The following RCOR1 variants were observed in gnomAD, a reference collection of about 807,000 sequenced individuals.
RCOR1 encodes the protein REST corepressor.
A neutral mutation model predicts 64.0 loss-of-function variants in RCOR1; 12 were observed. That is an observed-to-expected ratio of 0.19 (90% CI 0.12 to 0.30). The LOEUF (loss-of-function observed/expected upper bound fraction) is 0.30. RCOR1 is among the 10% of genes least tolerant of loss of function. RCOR1 has a pLI of 1.00. For missense variants in RCOR1, 502 were observed against 621.2 expected (o/e 0.81, Z 2.04); for synonymous variants, 279 against 227.2 (o/e 1.23, Z -2.05).
chr14:102,711,321 G>A (rs1372227462), intron 7 of RCOR1, among the ~76,000 whole-genome samples: 1 of 152,222 alleles, frequency 6.6e-6, no homozygotes, highest in African/African-American at 2.4e-5. Context: ...GTGGTCTAGT[G>A]AATTCCAGGC....
Position 102,598,882 on chromosome 14 carries a change from AAG to A in RCOR1, c.361+5560_361+5561del, listed in dbSNP as rs1414737220. 2.1e-4 allele frequency among the ~76,000 whole-genome samples: 32 copies of A among 152,126 alleles called. 2 individuals are homozygous for A. Among genetic ancestry groups the A allele is most frequent in the Admixed American group, 1.2e-3 (18 of 15,264 alleles). On this transcript the variant is annotated intron_variant, in intron 2 of 11. Coordinates refer to ENST00000262241, the MANE Select transcript of RCOR1 (RefSeq NM_015156.4). ...CAACTTTTAAAGAGTTAAAAAAAAA[AAG>A]AGTTAAAAACCTAAGTGCAGCCCTA... is the stretch of plus-strand genomic sequence containing the variant.
intron 3 of RCOR1, among the ~76,000 whole-genome samples, chr14:102,695,123 C>G (rs1895618082): frequency 6.6e-6 from 1 of 152,122 alleles, no homozygotes; most frequent in African/African-American, 2.4e-5. Context: ...ATCTGCATTT[C>G]TCCCTTCTTT....
At chr14:102,657,427 C>A (rs941374341) in intron 2 of RCOR1, 1 of 984,988 alleles carries the variant, frequency 1.0e-6, no homozygotes, top group East Asian at 1.1e-4. Context: ...GTTTTTGTTG[C>A]TTAAGTTAAG....
chr14:102,679,606 G>A (rs1274362480), intron 2 of RCOR1, among the ~76,000 whole-genome samples: 1 of 151,976 alleles, frequency 6.6e-6, no homozygotes, highest in Non-Finnish European at 1.5e-5. Flanking sequence ...AGTCTCCCGA[G>A]TAGCTGGGAC....
intron 2 of RCOR1, chr14:102,655,926 C>G (rs879856720): frequency 2.4e-5 from 23 of 956,034 alleles, no homozygotes; most frequent in South Asian, 4.9e-5. Flanking sequence ...GCACTCCAGC[C>G]TGGGCAACAG....
At chr14:102,604,007 T>C (rs960243080) in intron 2 of RCOR1, among the ~76,000 whole-genome samples, 2 of 152,206 alleles carry the variant, frequency 1.3e-5, no homozygotes, top group African/African-American at 4.8e-5. Context: ...TTGAGTTTAT[T>C]TGACTAGGAA....
intron 2 of RCOR1, among the ~76,000 whole-genome samples, chr14:102,650,289 A>G (rs754979595): frequency 6.7e-6 from 1 of 149,768 alleles, no homozygotes; most frequent in Non-Finnish European, 1.5e-5. Flanking sequence ...TGGGAGAATC[A>G]CTTGAGGTCA....
chr14:102,727,677 G>A lies in RCOR1; in HGVS notation c.*1171G>A, dbSNP rs1047434929. ...ACTCTCTTTTCATATCAGAGTACAG[G>A]ACAGAGAAGTGATCAATGTATTGGT... On this transcript the variant is annotated 3_prime_UTR_variant, in exon 12 of 12. Coordinates refer to ENST00000262241, the MANE Select transcript of RCOR1 (RefSeq NM_015156.4). The A allele has an allele frequency of 6.6e-6, 1 of 152,148 alleles. No homozygotes were observed. The highest frequency in any genetic ancestry group is 1.5e-5 in the Non-Finnish European group (1 of 68,028). 9.4% of individuals were successfully genotyped at this position (152,148 alleles called of 1,614,324 possible).
chr14:102,611,018 G>A (rs1372638612), intron 2 of RCOR1, among the ~76,000 whole-genome samples: 2 of 152,094 alleles, frequency 1.3e-5, no homozygotes, highest in Non-Finnish European at 2.9e-5. Context: ...TTCAAAATAA[G>A]GTTATTTGAA....
chr14:102,730,537 T>A lies in RCOR1; in HGVS notation c.*4031T>A, dbSNP rs924511675. On this transcript the variant is annotated 3_prime_UTR_variant, in exon 12 of 12. Transcript: ENST00000262241. The stretch of plus-strand genomic sequence containing the variant: ...AATATTTGCTGAGGTTAAATAAAAA[T>A]TTTCAAGCCATTGATGTAATAAAAT... 6 of 152,688 alleles carry A rather than the reference T, an allele frequency of 3.9e-5. No homozygotes were observed. Among genetic ancestry groups the A allele is most frequent in the Admixed American group, 3.9e-4 (6 of 15,276 alleles). The allele number at this position is 152,688 out of a possible 1,614,324, so 9.5% of individuals were successfully genotyped here.
chr14:102,676,507 A>ACCCCC (rs200702020), intron 2 of RCOR1, among the ~76,000 whole-genome samples: 1 of 6,550 alleles, frequency 1.5e-4, no homozygotes, highest in Non-Finnish European at 2.6e-4. Flanking sequence ...CGGCTGGCCG[A>ACCCCC]CCCCCCCCCA....
chr14:102,651,538 G>A (rs1306032089), intron 2 of RCOR1, among the ~76,000 whole-genome samples: 1 of 150,608 alleles, frequency 6.6e-6, no homozygotes, highest in African/African-American at 2.5e-5. Context: ...GGGCAACAGA[G>A]TGAGACTCCA....
intron 2 of RCOR1, among the ~76,000 whole-genome samples, chr14:102,603,852 A>G (rs1057038155): frequency 1.3e-5 from 2 of 151,836 alleles, no homozygotes; most frequent in African/African-American, 2.4e-5. Context: ...CTGTTTTTCT[A>G]TAGGGTGTTG....
chr14:102,673,285 C>G (rs1198982082), intron 2 of RCOR1, among the ~76,000 whole-genome samples: 2 of 149,088 alleles, frequency 1.3e-5, no homozygotes, highest in Non-Finnish European at 3.0e-5. Context: ...ATTTTGTTTT[C>G]TATATTTAAT....
At chr14:102,611,414 CTG>C (rs1210946908) in intron 2 of RCOR1, among the ~76,000 whole-genome samples, 1 of 152,140 alleles carries the variant, frequency 6.6e-6, no homozygotes, top group African/African-American at 2.4e-5. Flanking sequence ...ATTCTATCAT[CTG>C]TGTCATTTCT....
chr14:102,678,360 C>T (rs958635955), intron 2 of RCOR1, among the ~76,000 whole-genome samples: 12 of 152,016 alleles, frequency 7.9e-5, no homozygotes, highest in African/African-American at 2.7e-4. Flanking sequence ...AGTGCAGTGG[C>T]GCGATCTTGG....
intron 2 of RCOR1, among the ~76,000 whole-genome samples, chr14:102,668,156 A>G (rs991644152): frequency 1.3e-5 from 2 of 152,198 alleles, no homozygotes; most frequent in Admixed American, 1.3e-4. Context: ...GTGGCTGTTT[A>G]ATTCCTCTAC....
intron 3 of RCOR1, among the ~76,000 whole-genome samples, chr14:102,698,736 TCTC>T (rs1280137533): frequency 6.6e-6 from 1 of 152,144 alleles, no homozygotes; most frequent in African/African-American, 2.4e-5. Context: ...TTGCATCTCA[TCTC>T]CTCCAGTATG....
At chr14:102,707,640 T>C (rs1895881852) in intron 5 of RCOR1, 128 bp downstream of exon 5, 2 of 809,262 alleles carry the variant, frequency 2.5e-6, no homozygotes, top group Non-Finnish European at 1.9e-6. Context: ...CCCCTTTAGA[T>C]TCAGCTTAGT....
Sources: gnomAD v4.1 joint callset for allele counts (sites outside exome capture counted in the v4.1 genomes callset) on GRCh38, gnomAD v4.1.1 for gene constraint, MANE v1.5 for transcripts, NCBI Gene and HGNC (gene_info 2026-07-23, HGNC 2026-07-21) for gene names.